The following ADCY10 variants were observed in gnomAD, a reference collection of about 807,000 sequenced individuals.
ADCY10 encodes the protein adenylate cyclase 10.
Under a neutral mutation model 183.3 loss-of-function variants are expected in ADCY10, and 156 were observed. The ratio of observed to expected loss-of-function variants is 0.85; its 90% CI spans 0.75 to 0.97. The LOEUF is 0.97. ADCY10 is among the 50% of genes least tolerant of loss of function. The pLI, the probability that ADCY10 is intolerant of heterozygous loss-of-function variation, is 0.00. For synonymous variants in ADCY10, 645 were observed against 670.0 expected (o/e 0.96, Z 0.58); for missense variants, 1,745 against 1,934.3 (o/e 0.90, Z 1.84).
At position 167,899,534 on chromosome 1, in the gene ADCY10, A is replaced by G; in HGVS notation, c.531T>C (p.Leu177=). 6.2e-7 allele frequency: 1 copy of G among 1,614,242 alleles called. No individual in the cohort carries two copies. The highest frequency in any genetic ancestry group is 8.5e-7 in the Non-Finnish European group (1 of 1,180,052). ...CATTCATCTGAGCCATGTTCTGGGC[A>G]AGGCGCACATCGTCCACTGCCTGAC... ...VIGQAVDDVR[L]AQNMAQMNDV... is the part of the protein sequence containing the mutation. The change falls in exon 6 of 33, where the codon CTT becomes CTC. Residue 177 remains leucine, a synonymous_variant. Coordinates refer to ENST00000367851, the MANE Select transcript of ADCY10 (RefSeq NM_018417.6).
At chr1:167,858,309 C>T (rs551816263) in intron 16 of ADCY10, among the ~76,000 whole-genome samples, 1 of 151,854 alleles carries the variant, frequency 6.6e-6, no homozygotes, top group East Asian at 1.9e-4. Flanking sequence ...AACAGCCTGG[C>T]CAACATACTG....
chr1:167,824,075 C>A (rs368369829), intron 28 of ADCY10, among the ~76,000 whole-genome samples: 1 of 152,210 alleles, frequency 6.6e-6, no homozygotes, highest in African/African-American at 2.4e-5. Context: ...AATCCCAACA[C>A]TTTGGGAGGC....
intron 8 of ADCY10, among the ~76,000 whole-genome samples, chr1:167,887,698 AAAAT>A (rs936739973): frequency 3.3e-5 from 5 of 151,868 alleles, no homozygotes; most frequent in African/African-American, 9.7e-5. Flanking sequence ...AAGTATAATA[AAAAT>A]AAATAAATAA....
chr1:167,879,990 A>C, intron 11 of ADCY10, 125 bp downstream of exon 11: 1 of 807,720 alleles, frequency 1.2e-6, no homozygotes, highest in Middle Eastern at 3.4e-4. Flanking sequence ...CTCCATCTGG[A>C]AGACTCTAAA....
At chr1:167,900,291 G>A (rs2102410176) in intron 5 of ADCY10, among the ~76,000 whole-genome samples, 1 of 152,176 alleles carries the variant, frequency 6.6e-6, no homozygotes, top group East Asian at 1.9e-4. Context: ...ATTTGTCAGG[G>A]CTGACTCCCC....
chr1:167,813,366 CA>C (rs915205037), intron 31 of ADCY10, among the ~76,000 whole-genome samples: 70 of 149,986 alleles, frequency 4.7e-4, no homozygotes, highest in Middle Eastern at 6.9e-3. Context: ...ATTAAAAAAA[CA>C]AAAAAAAACC....
intron 1 of ADCY10, among the ~76,000 whole-genome samples, chr1:167,907,816 C>T (rs1669915323): frequency 6.6e-6 from 1 of 152,176 alleles, no homozygotes; most frequent in Non-Finnish European, 1.5e-5. Flanking sequence ...CCAAATTTCT[C>T]ATATCCTTGT....
At chr1:167,879,334 T>C (rs2102235124) in intron 11 of ADCY10, among the ~76,000 whole-genome samples, 1 of 152,230 alleles carries the variant, frequency 6.6e-6, no homozygotes, top group East Asian at 1.9e-4. Context: ...AGCTGGCTGC[T>C]TGTAAGCCTT....
chr1:167,888,347 A>C (rs1261334462), intron 8 of ADCY10, among the ~76,000 whole-genome samples: 1 of 152,072 alleles, frequency 6.6e-6, no homozygotes, highest in African/African-American at 2.4e-5. Flanking sequence ...TATTGCATTG[A>C]ATCTGTAGAT....
chr1:167,891,023 G>A (rs980591474), intron 8 of ADCY10, among the ~76,000 whole-genome samples: 30 of 151,950 alleles, frequency 2.0e-4, no homozygotes, highest in African/African-American at 6.3e-4. Context: ...GTGCAGTGGC[G>A]CAATCTCGGC....
At chr1:167,872,380 A>AT (rs1667169270) in intron 13 of ADCY10, among the ~76,000 whole-genome samples, 1 of 149,908 alleles carries the variant, frequency 6.7e-6, no homozygotes, top group Admixed American at 6.6e-5. Flanking sequence ...AAAAAAAAAA[A>AT]GCCTGCATAG....
At chr1:167,907,922 C>CA (rs1372410646) in intron 1 of ADCY10, among the ~76,000 whole-genome samples, 1 of 152,176 alleles carries the variant, frequency 6.6e-6, no homozygotes, top group Non-Finnish European at 1.5e-5. Flanking sequence ...GGTGTCAACT[C>CA]AGAGGTAAGC....
At chr1:167,833,347 T>A (rs1180585253) in intron 24 of ADCY10, among the ~76,000 whole-genome samples, 185 bp from the exon 25 acceptor site, 1 of 152,210 alleles carries the variant, frequency 6.6e-6, no homozygotes, top group African/African-American at 2.4e-5. Context: ...GAAGGGTGGT[T>A]GAATGACTAG....
intron 8 of ADCY10, among the ~76,000 whole-genome samples, chr1:167,893,406 C>T (rs1251305096): frequency 2.0e-5 from 3 of 152,142 alleles, no homozygotes; most frequent in Non-Finnish European, 2.9e-5. Flanking sequence ...TTCACAGTCA[C>T]CTACATATAG....
intron 31 of ADCY10, among the ~76,000 whole-genome samples, chr1:167,814,789 T>C (rs1662425136): frequency 6.6e-6 from 1 of 152,058 alleles, no homozygotes; most frequent in Non-Finnish European, 1.5e-5. Context: ...TACTTAAACA[T>C]GATTAAAATG....
chr1:167,872,843 G>A (rs932303620), intron 13 of ADCY10, among the ~76,000 whole-genome samples: 7 of 150,864 alleles, frequency 4.6e-5, no homozygotes, highest in East Asian at 1.9e-4. Context: ...AGGCCAAGGC[G>A]GGCAGATCAC....
At chr1:167,833,292 T>C (rs1663916102) in intron 24 of ADCY10, 130 bp from the exon 25 acceptor site, 1 of 842,124 alleles carries the variant, frequency 1.2e-6, no homozygotes, top group South Asian at 1.4e-5. Context: ...AAACAAAATC[T>C]TCCTGTGCCT....
chr1:167,826,330 C>G (rs1439000090), intron 26 of ADCY10, among the ~76,000 whole-genome samples: 1 of 152,200 alleles, frequency 6.6e-6, no homozygotes, highest in African/African-American at 2.4e-5. Context: ...CTTCACTTTA[C>G]AGAGAAAATA....
intron 8 of ADCY10, among the ~76,000 whole-genome samples, chr1:167,887,641 A>G (rs1571409231): frequency 6.6e-6 from 1 of 152,156 alleles, no homozygotes; most frequent in Non-Finnish European, 1.5e-5. Context: ...ACATGTATAC[A>G]TAACGTAACA....
Sources: allele counts gnomAD v4.1 joint callset (sites outside exome capture counted in the v4.1 genomes callset), GRCh38; gene constraint gnomAD v4.1.1; transcripts MANE v1.5; gene names NCBI Gene and HGNC (gene_info 2026-07-23, HGNC 2026-07-21).